Variants in RAPGEF5 observed in about 807,000 individuals in gnomAD.
RAPGEF5 encodes Rap guanine nucleotide exchange factor 5.
Under a neutral mutation model 125.2 loss-of-function variants are expected in RAPGEF5, and 65 were observed. The ratio of observed to expected loss-of-function variants is 0.52; its 90% CI spans 0.43 to 0.64. RAPGEF5 has a LOEUF of 0.64. Among genes scored for constraint, RAPGEF5 ranks in the 30% least tolerant of loss-of-function variants. RAPGEF5 has a pLI of 0.00. For synonymous variants in RAPGEF5, 391 were observed against 385.9 expected (o/e 1.01, Z -0.16); for missense variants, 958 against 1,048.1 (o/e 0.91, Z 1.19).
chr7:22,183,366 T>C (rs1162428338), intron 11 of RAPGEF5, among the ~76,000 whole-genome samples: 1 of 150,126 alleles, frequency 6.7e-6, no homozygotes, highest in African/African-American at 2.4e-5. Flanking sequence ...TTTGTGTACA[T>C]ACTTATGGCA....
At chr7:22,337,303 A>G (rs576392412) in intron 1 of RAPGEF5, among the ~76,000 whole-genome samples, 1 of 152,286 alleles carries the variant, frequency 6.6e-6, no homozygotes, top group African/African-American at 2.4e-5. Context: ...TAACAGGACC[A>G]GTTGTCAAGC....
chr7:22,280,190 T>G (rs372376859), intron 6 of RAPGEF5, among the ~76,000 whole-genome samples: 1 of 151,964 alleles, frequency 6.6e-6, no homozygotes, highest in African/African-American at 2.4e-5. Context: ...AATGGCCTCA[T>G]ACAGGAAAAA....
At chr7:22,204,592 AGAGT>A (rs1252320369) in intron 9 of RAPGEF5, among the ~76,000 whole-genome samples, 1 of 152,216 alleles carries the variant, frequency 6.6e-6, no homozygotes, top group Non-Finnish European at 1.5e-5. Flanking sequence ...ACATGGAATG[AGAGT>A]GAGGAGATAC....
chr7:22,333,832 C>T (rs944515397), intron 1 of RAPGEF5, among the ~76,000 whole-genome samples: 1 of 145,644 alleles, frequency 6.9e-6, no homozygotes, highest in Non-Finnish European at 1.5e-5. Flanking sequence ...TGTGCTGGCA[C>T]CCAGAGAAAC....
chr7:22,123,869 C>T (rs1055086517), intron 25 of RAPGEF5, among the ~76,000 whole-genome samples: 1 of 152,242 alleles, frequency 6.6e-6, no homozygotes, highest in Admixed American at 6.5e-5. Flanking sequence ...ATGGTTCTAA[C>T]CATGGCAACT....
At chr7:22,232,081 C>A (rs373867418) in intron 7 of RAPGEF5, among the ~76,000 whole-genome samples, 2 of 151,976 alleles carry the variant, frequency 1.3e-5, no homozygotes, top group Non-Finnish European at 2.9e-5. Context: ...AACACTGGAG[C>A]TATATTTTTT....
rs76777786 is a variant in RAPGEF5, at chr7:22,218,758, C to T, written c.996+1108G>A. ...TGCTAAAGTTTTCAATAGTTCCAAG[C>T]AAAGTGAAGGTTGCCTGAGACCTAC... is the stretch of plus-strand genomic sequence containing the variant. On this transcript the variant is annotated intron_variant, in intron 9 of 25. Transcript: ENST00000665637. Among the ~76,000 whole-genome samples the T allele has an allele frequency of 5.0e-3, 768 of 152,250 alleles. 8 individuals are homozygous for T. Among genetic ancestry groups the T allele is most frequent in the African/African-American group, 0.018 (735 of 41,548 alleles).
intron 1 of RAPGEF5, among the ~76,000 whole-genome samples, chr7:22,345,434 TA>T (rs1359256528): frequency 6.6e-6 from 1 of 152,164 alleles, no homozygotes; most frequent in East Asian, 1.9e-4. Flanking sequence ...GAGCATCCTC[TA>T]CATAACTAGG....
At chr7:22,173,228 A>AT (rs1207655823) in intron 11 of RAPGEF5, among the ~76,000 whole-genome samples, 2 of 152,182 alleles carry the variant, frequency 1.3e-5, no homozygotes, top group African/African-American at 2.4e-5. Flanking sequence ...CACAAATAAA[A>AT]TTTTTTTCAT....
chr7:22,258,908 C>T (rs1269914310), intron 7 of RAPGEF5, among the ~76,000 whole-genome samples: 2 of 152,122 alleles, frequency 1.3e-5, no homozygotes, highest in African/African-American at 4.8e-5. Flanking sequence ...AATTATAAAA[C>T]TCCTAGACTA....
intron 7 of RAPGEF5, among the ~76,000 whole-genome samples, chr7:22,266,351 C>G (rs1266155663): frequency 6.6e-6 from 1 of 152,190 alleles, no homozygotes; most frequent in Non-Finnish European, 1.5e-5. Flanking sequence ...TTTTCTACTT[C>G]AGTGAGTCTC....
In RAPGEF5 at chr7:22,182,912, C is replaced by T. The variant is rs17709885; in HGVS notation, c.1204+10455G>A. Reference sequence around the variant, plus strand: ...GTCAAAGAGATTATATAGATGTAAGCCAATATCTTATCCATATAACAATAA... The same window carrying T: ...GTCAAAGAGATTATATAGATGTAAGTCAATATCTTATCCATATAACAATAA... On this transcript the variant is annotated intron_variant, in intron 11 of 25. Coordinates refer to ENST00000665637, the MANE Select transcript of RAPGEF5 (RefSeq NM_012294.5). 2.6e-5 allele frequency among the ~76,000 whole-genome samples: 4 copies of T among 152,142 alleles called. No individual in the cohort carries two copies. In the South Asian group the frequency reaches 8.3e-4, roughly 32 times the overall value.
chr7:22,344,924 T>C (rs1784195134), intron 1 of RAPGEF5, among the ~76,000 whole-genome samples: 1 of 152,240 alleles, frequency 6.6e-6, no homozygotes, highest in African/African-American at 2.4e-5. Context: ...AGCAATGTTC[T>C]GATGATGACA....
intron 15 of RAPGEF5, 85 bp from the exon 16 acceptor site, chr7:22,156,973 A>T: frequency 4.5e-6 from 7 of 1,543,810 alleles, no homozygotes; most frequent in Non-Finnish European, 6.1e-6. Context: ...GTTCCAAAAG[A>T]ACTAGCCAAA....
At chr7:22,280,524 C>T (rs1290487635) in intron 6 of RAPGEF5, among the ~76,000 whole-genome samples, 1 of 152,102 alleles carries the variant, frequency 6.6e-6, no homozygotes, top group Non-Finnish European at 1.5e-5. Context: ...GGAGACTGCT[C>T]TGAGAAAGCT....
intron 8 of RAPGEF5, among the ~76,000 whole-genome samples, chr7:22,225,965 C>T (rs867247161): frequency 2.8e-4 from 43 of 152,188 alleles, no homozygotes; most frequent in Admixed American, 2.6e-3. Flanking sequence ...ATGTTGGGTC[C>T]ATCCCCTCAA....
chr7:22,352,716 G>A (rs1459447231), intron 1 of RAPGEF5, among the ~76,000 whole-genome samples: 1 of 152,192 alleles, frequency 6.6e-6, no homozygotes, highest in Non-Finnish European at 1.5e-5. Context: ...TCATTACTCT[G>A]ATAGTTGGTA....
At chr7:22,154,710 G>A in intron 16 of RAPGEF5, 106 bp from the exon 17 acceptor site, 1 of 1,272,796 alleles carries the variant, frequency 7.9e-7, no homozygotes, top group Non-Finnish European at 1.1e-6. Flanking sequence ...CAACCCACCT[G>A]GCTATTCTCT....
intron 7 of RAPGEF5, among the ~76,000 whole-genome samples, chr7:22,237,893 G>T (rs959629475): frequency 6.6e-6 from 1 of 152,174 alleles, no homozygotes; most frequent in Admixed American, 6.5e-5. Flanking sequence ...TTATAAGACA[G>T]ATATAAATAG....
Sources: gnomAD v4.1 joint callset for allele counts (sites outside exome capture counted in the v4.1 genomes callset) on GRCh38, gnomAD v4.1.1 for gene constraint, MANE v1.5 for transcripts, NCBI Gene and HGNC (gene_info 2026-07-23, HGNC 2026-07-21) for gene names.